RIMS2: variants seen among roughly 807,000 people sequenced by gnomAD.
The protein encoded by RIMS2 is regulating synaptic membrane exocytosis protein 2.
In RIMS2, 59 loss-of-function variants were observed where a neutral mutation model predicts 174.4. That is an observed-to-expected ratio of 0.34 (90% CI 0.27 to 0.42). The LOEUF (loss-of-function observed/expected upper bound fraction) is 0.42. RIMS2 is among the 10% of genes least tolerant of loss of function. The pLI, the probability that RIMS2 is intolerant of heterozygous loss-of-function variation, is 1.00. For missense variants in RIMS2, 1,620 were observed against 1,666.3 expected (o/e 0.97, Z 0.48); for synonymous variants, 606 against 572.5 (o/e 1.06, Z -0.84).
At chr8:103,659,897 C>T (rs1189450658) in intron 1 of RIMS2, among the ~76,000 whole-genome samples, 1 of 152,256 alleles carries the variant, frequency 6.6e-6, no homozygotes, top group Non-Finnish European at 1.5e-5. Flanking sequence ...CACACGGTGT[C>T]TGTGGATGCC....
intron 3 of RIMS2, among the ~76,000 whole-genome samples, chr8:103,868,037 T>C (rs1384402445): frequency 6.6e-6 from 1 of 152,058 alleles, no homozygotes; most frequent in Non-Finnish European, 1.5e-5. Context: ...CATTTGTTTA[T>C]TCATTCTTTG....
chr8:103,616,349 A>G (rs1464153638), intron 1 of RIMS2, among the ~76,000 whole-genome samples: 2 of 152,260 alleles, frequency 1.3e-5, no homozygotes, highest in Non-Finnish European at 2.9e-5. Context: ...TGAATAAACT[A>G]GGAAATGAAA....
At chr8:103,679,569 A>G (rs1330362380) in intron 1 of RIMS2, among the ~76,000 whole-genome samples, 1 of 152,044 alleles carries the variant, frequency 6.6e-6, no homozygotes, top group African/African-American at 2.4e-5. Context: ...TGGGGAAAAA[A>G]TTGCCAGGAA....
At chr8:103,780,418 A>T (rs988639248) in intron 3 of RIMS2, among the ~76,000 whole-genome samples, 4 of 152,002 alleles carry the variant, frequency 2.6e-5, no homozygotes, top group Admixed American at 6.6e-5. Flanking sequence ...CATGTAGATC[A>T]TCTTCATATT....
intron 1 of RIMS2, among the ~76,000 whole-genome samples, chr8:103,693,289 CTG>C (rs1240452545): frequency 6.6e-6 from 1 of 152,170 alleles, no homozygotes; most frequent in Non-Finnish European, 1.5e-5. Context: ...GAATTTAAGA[CTG>C]TTTTTTCTAC....
chr8:103,515,018 T>C (rs568649855), intron 1 of RIMS2, among the ~76,000 whole-genome samples: 1 of 152,306 alleles, frequency 6.6e-6, no homozygotes, highest in African/African-American at 2.4e-5. Context: ...TTTTGAAAAT[T>C]CATCCTCTTT....
At chr8:103,718,848 T>G (rs2097407511) in intron 2 of RIMS2, among the ~76,000 whole-genome samples, 1 of 152,100 alleles carries the variant, frequency 6.6e-6, no homozygotes, top group African/African-American at 2.4e-5. Flanking sequence ...TTTGTGTGTA[T>G]TTTTAGTAGA....
At chr8:103,882,288 G>A (rs888287514) in intron 3 of RIMS2, among the ~76,000 whole-genome samples, 7 of 151,368 alleles carry the variant, frequency 4.6e-5, no homozygotes, top group African/African-American at 1.7e-4. Context: ...GTTCCTGAAA[G>A]GAATATACTA....
At chr8:103,904,806 G>A (rs199536797) in intron 4 of RIMS2, among the ~76,000 whole-genome samples, 1 of 151,368 alleles carries the variant, frequency 6.6e-6, no homozygotes, top group East Asian at 1.9e-4. Context: ...TGTTCATTTT[G>A]TTGTTTTCTT....
chr8:103,800,592 A>C (rs67432617), intron 3 of RIMS2, among the ~76,000 whole-genome samples: 19,921 of 152,168 alleles, frequency 0.13, 1,768 homozygotes, highest in Non-Finnish European at 0.2. Flanking sequence ...AAAGGATCAC[A>C]TGGTTTTTCC....
chr8:103,589,017 C>T (rs1356198421), intron 1 of RIMS2, among the ~76,000 whole-genome samples: 9 of 151,382 alleles, frequency 5.9e-5, no homozygotes, highest in Non-Finnish European at 4.4e-5. Context: ...CCGTTTTCAC[C>T]ACTGTGATTC....
At chr8:103,961,728 T>C (rs948352125) in intron 15 of RIMS2, among the ~76,000 whole-genome samples, 3 of 152,166 alleles carry the variant, frequency 2.0e-5, no homozygotes, top group African/African-American at 7.2e-5. Context: ...TAAAGTATTC[T>C]ATTCCTTTTG....
chr8:103,798,798 T>C (rs948336591), intron 3 of RIMS2, among the ~76,000 whole-genome samples: 1 of 152,144 alleles, frequency 6.6e-6, no homozygotes, highest in African/African-American at 2.4e-5. Context: ...GATGTTACCT[T>C]ACCTGGCAAA....
intron 1 of RIMS2, among the ~76,000 whole-genome samples, chr8:103,599,645 C>T (rs1456536527): frequency 6.6e-6 from 1 of 151,500 alleles, no homozygotes; most frequent in Non-Finnish European, 1.5e-5. Context: ...GAGACGAGAC[C>T]TCACTATACT....
At chr8:104,219,040 C>T (rs894477898) in intron 19 of RIMS2, among the ~76,000 whole-genome samples, 4 of 152,164 alleles carry the variant, frequency 2.6e-5, no homozygotes, top group Admixed American at 2.6e-4. Context: ...TAATTTAAAA[C>T]TCTGGTGATT....
chr8:103,755,008 A>G (rs2097963132), intron 2 of RIMS2, among the ~76,000 whole-genome samples: 1 of 152,074 alleles, frequency 6.6e-6, no homozygotes, highest in South Asian at 2.1e-4. Flanking sequence ...TAGTTTATGC[A>G]GTTCCTTCAT....
At chr8:104,138,393 A>G (rs2098539103) in intron 19 of RIMS2, among the ~76,000 whole-genome samples, 1 of 152,154 alleles carries the variant, frequency 6.6e-6, no homozygotes, top group Admixed American at 6.6e-5. Context: ...ATTCCCACCA[A>G]CGGTGTAAGA....
At chr8:103,686,819 A>G (rs2096945959) in intron 1 of RIMS2, among the ~76,000 whole-genome samples, 1 of 151,956 alleles carries the variant, frequency 6.6e-6, no homozygotes. Context: ...CTGGAGTACA[A>G]TGTGCAATCA....
intron 1 of RIMS2, among the ~76,000 whole-genome samples, chr8:103,649,737 A>G (rs911064211): frequency 1.2e-4 from 18 of 148,822 alleles, no homozygotes; most frequent in Non-Finnish European, 7.4e-5. Context: ...TGCTTGGTCT[A>G]TAGTTCTCAT....
Sources: gnomAD v4.1 joint callset for allele counts (sites outside exome capture counted in the v4.1 genomes callset) on GRCh38, gnomAD v4.1.1 for gene constraint, MANE v1.5 for transcripts, NCBI Gene and HGNC (gene_info 2026-07-23, HGNC 2026-07-21) for gene names.